ERI1: variants seen among roughly 807,000 people sequenced by gnomAD.
ERI1 encodes the protein 3'-5' exoribonuclease 1.
Under a neutral mutation model 39.7 loss-of-function variants are expected in ERI1, and 39 were observed. The observed-to-expected ratio is 0.98, with a 90% CI of 0.76 to 1.28. The LOEUF is 1.28. Ranked by LOEUF, ERI1 falls within the 50% of genes most tolerant of loss-of-function variation. The pLI is 0.00. For missense variants in ERI1, 581 were observed against 416.9 expected (o/e 1.39, Z -3.43); for synonymous variants, 204 against 149.6 (o/e 1.36, Z -2.65).
chr8:9,014,112 ACCTGG>A (rs776561366), intron 3 of ERI1, among the ~76,000 whole-genome samples: 2 of 152,042 alleles, frequency 1.3e-5, no homozygotes, highest in Non-Finnish European at 2.9e-5. Context: ...TCCTTACATG[ACCTGG>A]CCTATTGTTT....
chr8:9,054,462 G>A (rs1024021546), intron 3 of ERI1, among the ~76,000 whole-genome samples: 2 of 152,114 alleles, frequency 1.3e-5, no homozygotes, highest in Non-Finnish European at 2.9e-5. Flanking sequence ...CCTCCCCATC[G>A]TAAGGCTCAC....
chr8:9,050,173 A>C (rs1341001820), intron 3 of ERI1, among the ~76,000 whole-genome samples: 4 of 10,594 alleles, frequency 3.8e-4, no homozygotes, highest in East Asian at 1.7e-3. Context: ...AAGTGGTCAA[A>C]AAAAAAAAAA....
In ERI1 at chr8:9,030,384, T is replaced by C. The variant is rs555267048; in HGVS notation, c.*350T>C. 1 of 208,734 alleles carries C rather than the reference T, an allele frequency of 4.8e-6. No individual in the cohort carries two copies. Among genetic ancestry groups the C allele is most frequent in the South Asian group, 9.5e-5 (1 of 10,494 alleles). 12.9% of individuals were successfully genotyped at this position (208,734 alleles called of 1,614,324 possible). ...GTCATATCTTACTGGTGTTTAAATA[T>C]GTAATGTGTTTCTTTATTAACATCA... On this transcript the variant is annotated 3_prime_UTR_variant, in exon 7 of 7. Transcript: ENST00000250263.
At chr8:9,009,722 T>G (rs915589596) in intron 2 of ERI1, among the ~76,000 whole-genome samples, 2 of 152,128 alleles carry the variant, frequency 1.3e-5, no homozygotes, top group African/African-American at 4.8e-5. Flanking sequence ...GTATTTTTAG[T>G]GAAGATAGGG....
intron 3 of ERI1, among the ~76,000 whole-genome samples, chr8:9,054,855 G>T (rs1029694739): frequency 1.3e-5 from 2 of 152,220 alleles, no homozygotes; most frequent in Non-Finnish European, 2.9e-5. Flanking sequence ...TTGAACCCAG[G>T]GTGTCAAGGC....
At chr8:9,068,455 G>A (rs1798949437) in intron 3 of ERI1, among the ~76,000 whole-genome samples, 1 of 152,090 alleles carries the variant, frequency 6.6e-6, no homozygotes. Flanking sequence ...TCCTGCCTTG[G>A]CCTCCCTAGT....
At chr8:9,090,480 G>T (rs975554609) in intron 3 of ERI1, among the ~76,000 whole-genome samples, 1 of 151,974 alleles carries the variant, frequency 6.6e-6, no homozygotes, top group African/African-American at 2.4e-5. Context: ...GTAAAATATT[G>T]GAAAAAAATC....
intron 3 of ERI1, among the ~76,000 whole-genome samples, chr8:9,083,194 A>T (rs2117455854): frequency 6.6e-6 from 1 of 152,326 alleles, no homozygotes; most frequent in Non-Finnish European, 1.5e-5. Context: ...AGGGGGAAGC[A>T]AAGTCAATGA....
intron 3 of ERI1, among the ~76,000 whole-genome samples, chr8:9,046,942 G>A (rs1387437678): frequency 1.3e-5 from 2 of 152,172 alleles, no homozygotes; most frequent in South Asian, 2.1e-4. Context: ...CTCACCCTCC[G>A]AATCAGCCTG....
intron 3 of ERI1, among the ~76,000 whole-genome samples, chr8:9,047,862 G>A (rs1045146809): frequency 2.6e-5 from 4 of 152,116 alleles, no homozygotes; most frequent in African/African-American, 9.7e-5. Context: ...TGTGTGTTGG[G>A]GTGCACGAGT....
At chr8:9,085,599 G>A (rs1203058737) in intron 3 of ERI1, among the ~76,000 whole-genome samples, 1 of 151,474 alleles carries the variant, frequency 6.6e-6, no homozygotes, top group East Asian at 2.0e-4. Flanking sequence ...TACTAAACTT[G>A]TAGAGTGTCG....
intron 3 of ERI1, among the ~76,000 whole-genome samples, chr8:9,070,236 C>G (rs1346723534): frequency 5.0e-5 from 6 of 119,392 alleles, no homozygotes; most frequent in Non-Finnish European, 1.1e-4. Flanking sequence ...GACGCTGTCT[C>G]AAAAAAAAAA....
chr8:9,037,132 C>T (rs148870491), downstream of ERI1, among the ~76,000 whole-genome samples: 265 of 152,314 alleles, frequency 1.7e-3, 1 homozygote, highest in Admixed American at 3.3e-3. Flanking sequence ...GCACACTGAT[C>T]TCAGAAACCT....
chr8:9,064,589 A>G (rs1292100997), intron 3 of ERI1, among the ~76,000 whole-genome samples: 1 of 152,122 alleles, frequency 6.6e-6, no homozygotes, highest in African/African-American at 2.4e-5. Context: ...TGAAAGGAGA[A>G]AGTGGTTGAG....
At chr8:9,083,787 C>A (rs1419496996) in intron 3 of ERI1, among the ~76,000 whole-genome samples, 3 of 151,920 alleles carry the variant, frequency 2.0e-5, no homozygotes, top group Non-Finnish European at 4.4e-5. Flanking sequence ...GACCCTGTCT[C>A]TATGATTTTT....
intron 2 of ERI1, among the ~76,000 whole-genome samples, chr8:9,009,402 G>C (rs866670260): frequency 6.6e-6 from 1 of 152,100 alleles, no homozygotes; most frequent in Non-Finnish European, 1.5e-5. Context: ...AAAAGGGAGG[G>C]GGAGGGTATT....
chr8:9,008,096 A>C lies in ERI1; in HGVS notation c.235A>C (p.Met79Leu), dbSNP rs760167524. Residue 79 changes from methionine to leucine, a missense_variant, in exon 2 of 7, where the codon ATG becomes CTG. By Grantham distance (15) the Met-to-Leu change is conservative. Coordinates refer to ENST00000250263, the MANE Select transcript of ERI1 (RefSeq NM_153332.4). ...CATTACGAATGGCTGTATTAATAGA[A>C]TGAGTAAGGAAGAACTCAGAGCTAA... ...IAITNGCINR[M>L]SKEELRAKLS... The C allele has an allele frequency of 1.9e-6, 3 of 1,611,422 alleles. No individual in the cohort carries two copies. Among genetic ancestry groups the C allele is most frequent in the African/African-American group, 1.3e-5 (1 of 74,736 alleles).
chr8:9,051,123 C>A (rs1354385652), intron 3 of ERI1, among the ~76,000 whole-genome samples: 1 of 151,470 alleles, frequency 6.6e-6, no homozygotes, highest in East Asian at 1.9e-4. Context: ...ATATTACTTT[C>A]CCATAGGGAA....
intron 3 of ERI1, among the ~76,000 whole-genome samples, chr8:9,054,999 C>T (rs763884348): frequency 6.6e-6 from 1 of 152,172 alleles, no homozygotes; most frequent in Admixed American, 6.5e-5. Context: ...AGGGTATGAA[C>T]TGTTAAAAGA....
Sources: gnomAD v4.1 joint callset for allele counts (sites outside exome capture counted in the v4.1 genomes callset) on GRCh38, gnomAD v4.1.1 for gene constraint, MANE v1.5 for transcripts, NCBI Gene and HGNC (gene_info 2026-07-23, HGNC 2026-07-21) for gene names.